NAV3: variants seen among roughly 807,000 people sequenced by gnomAD.
The protein encoded by NAV3 is pore membrane and/or filament interacting like protein 1.
In NAV3, 87 loss-of-function variants were observed where a neutral mutation model predicts 244.7. The ratio of observed to expected loss-of-function variants is 0.36; its 90% CI spans 0.30 to 0.42. The LOEUF is 0.42. Ranked by LOEUF, NAV3 falls within the 20% of genes least tolerant of loss-of-function variation. NAV3 has a pLI of 1.00. For synonymous variants in NAV3, 1,126 were observed against 1,042.2 expected, an observed-to-expected ratio of 1.08 and a Z score of -1.55; for missense variants, 2,663 against 2,893.3, an observed-to-expected ratio of 0.92 and a Z score of 1.83.
rs73427408 is a variant in NAV3 at position 77,643,928 on chromosome 12, C to G, written c.72+71662C>G. Among the ~76,000 whole-genome samples, 1,022 of 152,176 alleles carry G rather than the reference C, an allele frequency of 6.7e-3. 16 individuals carry two copies. Among genetic ancestry groups the G allele is most frequent in the African/African-American group, 0.023 (972 of 41,548 alleles). ...AGTCTTCCTTGCCAAAAGATTTATT[C>G]AAGTCACATGAACTTGAAAAATATT... On this transcript the variant is annotated intron_variant, in intron 2 of 8. Coordinates refer to the NAV3 transcript ENST00000550042.
intron 2 of NAV3, among the ~76,000 whole-genome samples, chr12:77,781,892 A>G (rs1242406461): frequency 6.6e-6 from 1 of 152,152 alleles, no homozygotes; most frequent in Non-Finnish European, 1.5e-5. Context: ...AGTTTTCTGT[A>G]ATATAAAATA....
intron 1 of NAV3, among the ~76,000 whole-genome samples, chr12:77,933,377 C>T (rs543680101): frequency 6.6e-6 from 1 of 152,138 alleles, no homozygotes; most frequent in African/African-American, 2.4e-5. Context: ...AAATTAACAG[C>T]ACTAGGTCAG....
intron 2 of NAV3, among the ~76,000 whole-genome samples, chr12:77,578,195 A>G (rs1869183291): frequency 6.6e-6 from 1 of 152,240 alleles, no homozygotes; most frequent in Non-Finnish European, 1.5e-5. Context: ...TCTGAGGACC[A>G]ACAGCATCAC....
chr12:78,176,189 C>A (rs140968219), intron 25 of NAV3, among the ~76,000 whole-genome samples: 2 of 150,756 alleles, frequency 1.3e-5, no homozygotes, highest in Admixed American at 6.6e-5. Context: ...ACTGTTACTG[C>A]GAAAAATTTA....
At chr12:77,795,786 T>C (rs939627082) in intron 2 of NAV3, among the ~76,000 whole-genome samples, 4 of 152,178 alleles carry the variant, frequency 2.6e-5, no homozygotes, top group African/African-American at 9.7e-5. Flanking sequence ...CCCTTAAGAA[T>C]TATGCTAAAT....
intron 20 of NAV3, among the ~76,000 whole-genome samples, 171 bp from the exon 21 acceptor site, chr12:78,146,198 T>C (rs1325929181): frequency 6.6e-6 from 1 of 152,100 alleles, no homozygotes; most frequent in Non-Finnish European, 1.5e-5. Context: ...TATATAAAAT[T>C]CTAAAGTAAC....
At chr12:78,139,872 A>G (rs1327430248) in intron 19 of NAV3, among the ~76,000 whole-genome samples, 1 of 152,218 alleles carries the variant, frequency 6.6e-6, no homozygotes, top group East Asian at 1.9e-4. Flanking sequence ...GGAGAAAAAA[A>G]TCTGAAAGTG....
In NAV3 at chr12:78,006,954, C is replaced by T. The variant is rs1324695939; in HGVS notation, c.1416C>T (p.Asn472=). 1 of 1,613,856 alleles carries T rather than the reference C, an allele frequency of 6.2e-7. No homozygotes were observed. The highest frequency in any genetic ancestry group is 1.1e-5 in the South Asian group (1 of 91,070). The change falls in exon 8 of 40, where the codon AAC becomes AAT. Residue 472 remains asparagine (N), a synonymous_variant. Transcript: ENST00000397909. ...LLQPKEKEEK[N]RDKNKVCTEK... ...AGCCAAAGGAAAAAGAAGAAAAGAA[C>T]AGGGACAAAAATAAAGTTTGCACTG...
intron 1 of NAV3, among the ~76,000 whole-genome samples, chr12:77,885,364 T>A (rs1883162274): frequency 6.6e-6 from 1 of 152,132 alleles, no homozygotes; most frequent in Non-Finnish European, 1.5e-5. Flanking sequence ...GCTGCTTTTT[T>A]TCTGCTACTA....
chr12:77,889,406 G>C (rs1883677415), intron 1 of NAV3, among the ~76,000 whole-genome samples: 1 of 152,074 alleles, frequency 6.6e-6, no homozygotes, highest in Non-Finnish European at 1.5e-5. Flanking sequence ...CTAGCTTGCT[G>C]GCTACAGATC....
intron 16 of NAV3, among the ~76,000 whole-genome samples, chr12:78,126,825 TATC>T (rs1253535075): frequency 6.6e-6 from 1 of 152,198 alleles, no homozygotes; most frequent in Non-Finnish European, 1.5e-5. Flanking sequence ...TTGCATGTGA[TATC>T]ATAGCAAAAG....
At chr12:77,622,381 G>T (rs902883589) in intron 2 of NAV3, among the ~76,000 whole-genome samples, 1 of 151,684 alleles carries the variant, frequency 6.6e-6, no homozygotes, top group African/African-American at 2.4e-5. Flanking sequence ...GGATGGTCTC[G>T]ATCTCCTGAC....
chr12:77,663,093 A>G (rs762762356), intron 2 of NAV3, among the ~76,000 whole-genome samples: 4 of 152,232 alleles, frequency 2.6e-5, no homozygotes, highest in Non-Finnish European at 5.9e-5. Flanking sequence ...AGAATACATT[A>G]AGCACAAATC....
In NAV3 at chr12:78,212,040, G is replaced by A. The variant is rs946999009; in HGVS notation, c.*1523G>A. 2 of 152,616 alleles carry A rather than the reference G, an allele frequency of 1.3e-5. No homozygotes were observed. Among genetic ancestry groups the A allele is most frequent in the Admixed American group, 6.6e-5 (1 of 15,266 alleles). 9.5% of individuals were successfully genotyped at this position (152,616 alleles called of 1,614,324 possible). ...CAAATACAGAATGCAAACCCTCAAA[G>A]CTGTATTATCTGGTGTGTTTGTCCT... On this transcript the variant is annotated 3_prime_UTR_variant, in exon 40 of 40. Transcript: ENST00000397909.
intron 24 of NAV3, among the ~76,000 whole-genome samples, chr12:78,173,899 A>G (rs929592991): frequency 6.6e-6 from 1 of 151,670 alleles, no homozygotes; most frequent in Admixed American, 6.6e-5. Context: ...CATATATTAC[A>G]TGTCTATCAA....
At chr12:78,178,452 C>A (rs1256634751) in intron 28 of NAV3, among the ~76,000 whole-genome samples, 1 of 152,040 alleles carries the variant, frequency 6.6e-6, no homozygotes, top group Admixed American at 6.6e-5. Context: ...CGAGCCACCC[C>A]ACCTGGCCCA....
At chr12:77,817,959 T>G (rs1872584164) in intron 2 of NAV3, among the ~76,000 whole-genome samples, 1 of 152,172 alleles carries the variant, frequency 6.6e-6, no homozygotes, top group African/African-American at 2.4e-5. Flanking sequence ...TTGCCACTAG[T>G]TACTTTGTGC....
chr12:77,658,561 C>T (rs1018595916), intron 2 of NAV3, among the ~76,000 whole-genome samples: 1 of 151,764 alleles, frequency 6.6e-6, no homozygotes, highest in African/African-American at 2.4e-5. Context: ...TCAATGCCAT[C>T]CCCATCAAGC....
intron 2 of NAV3, among the ~76,000 whole-genome samples, chr12:77,613,003 G>A (rs142927968): frequency 4.1e-4 from 62 of 152,140 alleles, no homozygotes; most frequent in African/African-American, 1.1e-3. Flanking sequence ...TTCCCCTTCC[G>A]CCGTGATTGT....
Sources: gnomAD v4.1 joint callset for allele counts (sites outside exome capture counted in the v4.1 genomes callset) on GRCh38, gnomAD v4.1.1 for gene constraint, MANE v1.5 for transcripts, NCBI Gene and HGNC (gene_info 2026-07-23, HGNC 2026-07-21) for gene names.